Variants in SLC39A11 observed in about 807,000 individuals in gnomAD.
The protein encoded by SLC39A11 is zinc transporter ZIP11.
A neutral mutation model predicts 36.1 loss-of-function variants in SLC39A11; 33 were observed. That is an observed-to-expected ratio of 0.91 (90% confidence interval 0.69 to 1.22). The LOEUF (loss-of-function observed/expected upper bound fraction) is 1.22, where lower values mean the gene tolerates loss of function less well. Ranked by LOEUF, SLC39A11 falls within the 50% of genes most tolerant of loss-of-function variation. The pLI is 0.00. For missense variants in SLC39A11, 432 were observed against 430.3 expected, an observed-to-expected ratio of 1.00 and a Z score of -0.03; for synonymous variants, 166 against 170.3, an observed-to-expected ratio of 0.97 and a Z score of 0.20.
In SLC39A11 at chr17:72,890,278, CAACAACAAA is replaced by C. The variant is rs199515635; in HGVS notation, c.431-40483_431-40475del. Reference sequence around the variant, plus strand: ...AGACTCCATCTCAAACAAACAACAACAACAACAAAAAAAAAAAAAACCACCAGAGGCAGA... The same window carrying C: ...AGACTCCATCTCAAACAAACAACAACAAAAAAAAAAACCACCAGAGGCAGA... On this transcript the variant is annotated intron_variant, in intron 5 of 9. Transcript: ENST00000255559. Among the ~76,000 whole-genome samples, 1,076 of 114,404 alleles carry C rather than the reference CAACAACAAA, an allele frequency of 9.4e-3. 9 individuals carry two copies. The highest frequency in any genetic ancestry group is 0.033 in the African/African-American group (1,012 of 30,766). The allele number at this position is 114,404 out of a possible 152,430, so 75.1% of individuals were successfully genotyped here. A position where few individuals can be genotyped will look rare whatever the true frequency, so the allele number is the denominator to read the frequency against.
intron 5 of SLC39A11, among the ~76,000 whole-genome samples, chr17:72,935,669 C>T (rs1268922221): frequency 6.6e-6 from 1 of 152,150 alleles, no homozygotes; most frequent in African/African-American, 2.4e-5. Context: ...CTCTACCTCC[C>T]GGGTCCCGGT....
chr17:73,082,470 A>AT lies in SLC39A11; in HGVS notation c.147+2337dup, dbSNP rs879610893. On this transcript the variant is annotated intron_variant, in intron 3 of 9. Transcript: ENST00000255559. Reference sequence around the variant, plus strand: ...AGTTCATCAATTTTATTTTTATTTGATTTTTTTCTTTTTTGTTTTGTTTTT... The same window carrying AT: ...AGTTCATCAATTTTATTTTTATTTGATTTTTTTTCTTTTTTGTTTTGTTTTT... Among the ~76,000 whole-genome samples, 204 of 151,918 alleles carry AT rather than the reference A, an allele frequency of 1.3e-3. 1 individual carries two copies. Among genetic ancestry groups the AT allele is most frequent in the Non-Finnish European group, 2.1e-3 (146 of 67,956 alleles).
At chr17:72,997,794 G>A (rs545354588) in intron 4 of SLC39A11, among the ~76,000 whole-genome samples, 18 of 152,246 alleles carry the variant, frequency 1.2e-4, no homozygotes, top group African/African-American at 3.1e-4. Context: ...CTTAGTAACC[G>A]TCTTGGTTAT....
chr17:72,940,196 C>T (rs558553871), intron 5 of SLC39A11, among the ~76,000 whole-genome samples: 20 of 152,086 alleles, frequency 1.3e-4, no homozygotes, highest in Admixed American at 1.1e-3. Context: ...ATCCCTTTAA[C>T]GGTGCCATCC....
intron 7 of SLC39A11, among the ~76,000 whole-genome samples, chr17:72,713,161 T>A (rs1174829465): frequency 6.6e-6 from 1 of 152,084 alleles, no homozygotes; most frequent in Non-Finnish European, 1.5e-5. Flanking sequence ...ACTTAGCCCG[T>A]GGAGTTCGTG....
intron 7 of SLC39A11, among the ~76,000 whole-genome samples, chr17:72,673,629 T>A (rs1040910348): frequency 6.6e-6 from 1 of 152,224 alleles, no homozygotes; most frequent in African/African-American, 2.4e-5. Flanking sequence ...ATTGGTGTGG[T>A]TATGTAATTC....
chr17:72,690,929 C>T (rs945523895), intron 7 of SLC39A11, among the ~76,000 whole-genome samples: 5 of 152,216 alleles, frequency 3.3e-5, no homozygotes, highest in South Asian at 2.1e-4. Context: ...CACCTGGAAA[C>T]GTCTAGAGTA....
At chr17:72,739,906 T>TA (rs2074600837) in intron 6 of SLC39A11, among the ~76,000 whole-genome samples, 1 of 152,198 alleles carries the variant, frequency 6.6e-6, no homozygotes, top group Admixed American at 6.5e-5. Context: ...ACTAATAGTC[T>TA]AATATTGACG....
intron 6 of SLC39A11, among the ~76,000 whole-genome samples, chr17:72,812,530 T>C (rs548469940): frequency 1.3e-5 from 2 of 152,334 alleles, no homozygotes; most frequent in African/African-American, 4.8e-5. Flanking sequence ...AAAGTAATTC[T>C]TGATGAGCAA....
intron 6 of SLC39A11, among the ~76,000 whole-genome samples, chr17:72,790,571 G>A (rs770793927): frequency 8.7e-5 from 13 of 149,924 alleles, no homozygotes; most frequent in Admixed American, 2.0e-4. Flanking sequence ...TTGCTTTGTC[G>A]CCCAGGCTGG....
intron 6 of SLC39A11, among the ~76,000 whole-genome samples, chr17:72,782,627 G>A (rs563243446): frequency 1.5e-5 from 2 of 137,792 alleles, no homozygotes; most frequent in Admixed American, 8.0e-5. Flanking sequence ...GATGGAGGTT[G>A]TAATGAGCTG....
At chr17:72,930,734 T>C (rs1342960558) in intron 5 of SLC39A11, among the ~76,000 whole-genome samples, 1 of 152,128 alleles carries the variant, frequency 6.6e-6, no homozygotes, top group Non-Finnish European at 1.5e-5. Context: ...TCTAGACTGG[T>C]CACTTCCATC....
intron 5 of SLC39A11, among the ~76,000 whole-genome samples, chr17:72,873,676 G>A (rs534930423): frequency 1.3e-5 from 2 of 152,268 alleles, no homozygotes; most frequent in South Asian, 2.1e-4. Flanking sequence ...AGCACCCCAT[G>A]AGACTCAACT....
intron 4 of SLC39A11, among the ~76,000 whole-genome samples, chr17:73,000,099 A>G (rs2089735069): frequency 6.6e-6 from 1 of 152,058 alleles, no homozygotes; most frequent in South Asian, 2.1e-4. Context: ...ACTTTATGAG[A>G]CAAGGACAAA....
intron 4 of SLC39A11, among the ~76,000 whole-genome samples, chr17:73,009,182 T>C (rs4969051): frequency 0.66 from 99,554 of 150,634 alleles, 37,300 homozygotes; most frequent in Non-Finnish European, 0.84. Flanking sequence ...GCTAACACGG[T>C]GAAACCCTGT....
intron 6 of SLC39A11, among the ~76,000 whole-genome samples, chr17:72,783,051 T>TTCACCAGAAAGCAGACGATTC (rs1355553115): frequency 6.7e-6 from 1 of 148,250 alleles, no homozygotes. Flanking sequence ...AAAGCAGATT[T>TTCACCAGAAAGCAGACGATTC]TCACCAGAAA....
At chr17:72,949,208 G>A (rs889987133) in intron 4 of SLC39A11, among the ~76,000 whole-genome samples, 10 of 114,536 alleles carry the variant, frequency 8.7e-5, no homozygotes, top group Non-Finnish European at 1.7e-4. Context: ...CACCTAGGCT[G>A]GAGTGCAGTG....
intron 4 of SLC39A11, among the ~76,000 whole-genome samples, chr17:72,979,332 G>A (rs542645765): frequency 6.8e-6 from 1 of 146,930 alleles, no homozygotes; most frequent in African/African-American, 2.5e-5. Context: ...GTCTTGGGCA[G>A]TTCTTTATAA....
chr17:72,903,271 GAAAAAAAA>G (rs11450652), intron 5 of SLC39A11, among the ~76,000 whole-genome samples: 3 of 113,334 alleles, frequency 2.6e-5, no homozygotes, highest in African/African-American at 6.1e-5. Context: ...GTCTCGAAAA[GAAAAAAAA>G]AAAAAAAAAA....
Sources: allele counts gnomAD v4.1 joint callset (sites outside exome capture counted in the v4.1 genomes callset), GRCh38; gene constraint gnomAD v4.1.1; transcripts MANE v1.5; gene names NCBI Gene and HGNC (gene_info 2026-07-23, HGNC 2026-07-21).